Variants in UBE3B observed in about 807,000 individuals in gnomAD.
The protein encoded by UBE3B is ubiquitin-protein ligase E3B.
In UBE3B, 80 loss-of-function variants were observed where a neutral mutation model predicts 132.3. The observed-to-expected ratio is 0.60, with a 90% CI of 0.50 to 0.73. The LOEUF is 0.73. UBE3B is among the 30% of genes least tolerant of loss of function. The pLI is 0.00. For synonymous variants in UBE3B, 487 were observed against 520.4 expected, an observed-to-expected ratio of 0.94 and a Z score of 0.87; for missense variants, 1,196 against 1,362.5, an observed-to-expected ratio of 0.88 and a Z score of 1.92.
the UBE3B span, among the ~76,000 whole-genome samples, chr12:109,545,721 G>A: frequency 2.0e-5 from 3 of 152,170 alleles, no homozygotes; most frequent in African/African-American, 4.8e-5. Context: ...TCTGGAGCCC[G>A]CTGCCTCCAC....
chr12:109,499,756 A>C lies in UBE3B; in HGVS notation c.1064A>C (p.Asn355Thr). The change falls in exon 12 of 28, where the codon AAC becomes ACC. Residue 355 changes from asparagine (N) to threonine (T), a missense_variant. Coordinates refer to ENST00000342494, the MANE Select transcript of UBE3B (RefSeq NM_130466.4). Reference protein sequence around the residue: ...CRKYVSQKKSNLTHWHPVLGW... With the variant: ...CRKYVSQKKSTLTHWHPVLGW... ...AAGTATGTGTCTCAGAAGAAGTCCA[A>C]CCTGACCCACTGGCATCCTGTCCTT... 1.2e-6 allele frequency: 2 copies of C among 1,611,656 alleles called. No individual in the cohort carries two copies. Among genetic ancestry groups the C allele is most frequent in the Non-Finnish European group, 8.5e-7 (1 of 1,178,726 alleles).
chr12:109,533,852 C>A, intron 27 of UBE3B: 2 of 1,212,646 alleles, frequency 1.6e-6, no homozygotes, highest in Admixed American at 2.1e-5. Flanking sequence ...TCTGGCCTCA[C>A]CAGGGCTCCA....
intron 9 of UBE3B, chr12:109,492,202 T>C (rs750519425): frequency 3.9e-5 from 6 of 152,234 alleles, no homozygotes; most frequent in Admixed American, 1.3e-4. Context: ...TAGACTGTGC[T>C]TTCCACTAAC....
chr12:109,489,550 C>T (rs1011207552), intron 7 of UBE3B, among the ~76,000 whole-genome samples: 2 of 152,184 alleles, frequency 1.3e-5, no homozygotes, highest in African/African-American at 2.4e-5. Flanking sequence ...AGTTCTGGGC[C>T]CTGCTGGGAA....
At chr12:109,489,515 CTT>C (rs1420351442) in intron 7 of UBE3B, among the ~76,000 whole-genome samples, 1 of 152,192 alleles carries the variant, frequency 6.6e-6, no homozygotes, top group African/African-American at 2.4e-5. Flanking sequence ...ACCCTGGCCT[CTT>C]GGGGGGAACC....
intron 9 of UBE3B, among the ~76,000 whole-genome samples, chr12:109,497,571 A>G (rs143397408): frequency 6.6e-6 from 1 of 152,090 alleles, no homozygotes; most frequent in Non-Finnish European, 1.5e-5. Context: ...TCATTGTAGC[A>G]TGAGCATTCT....
chr12:109,479,939 C>T (rs747337543), intron 1 of UBE3B, among the ~76,000 whole-genome samples: 11 of 152,158 alleles, frequency 7.2e-5, no homozygotes, highest in Non-Finnish European at 1.2e-4. Context: ...GCACTGTCTG[C>T]ATGTCATGGA....
intron 6 of UBE3B, among the ~76,000 whole-genome samples, 196 bp downstream of exon 6, chr12:109,486,771 T>A (rs1876545550): frequency 6.6e-6 from 1 of 152,102 alleles, no homozygotes; most frequent in Non-Finnish European, 1.5e-5. Context: ...ACCCTTAAAC[T>A]GCTTGCCACG....
chr12:109,505,599 C>G (rs977604554), intron 14 of UBE3B, among the ~76,000 whole-genome samples: 2 of 152,318 alleles, frequency 1.3e-5, no homozygotes, highest in Admixed American at 1.3e-4. Context: ...AGTTGAAAGA[C>G]TAGTTATGAG....
At chr12:109,532,961 A>T (rs980045980) in intron 26 of UBE3B, among the ~76,000 whole-genome samples, 9 of 152,228 alleles carry the variant, frequency 5.9e-5, no homozygotes, top group African/African-American at 2.2e-4. Context: ...AGCCGGCAGG[A>T]TGCCAAGTGC....
At chr12:109,519,017 C>CG in intron 19 of UBE3B, among the ~76,000 whole-genome samples, 1 of 152,280 alleles carries the variant, frequency 6.6e-6, no homozygotes, top group South Asian at 2.1e-4. Flanking sequence ...GTATTGAGGG[C>CG]TATGCTTCTC....
intron 1 of UBE3B, among the ~76,000 whole-genome samples, chr12:109,481,181 G>A (rs1875349401): frequency 6.6e-6 from 1 of 151,852 alleles, no homozygotes; most frequent in South Asian, 2.1e-4. Context: ...ATAGGGTATG[G>A]TGGCACACAC....
At chr12:109,509,498 T>C (rs1880093473) in intron 15 of UBE3B, 98 bp from the exon 16 acceptor site, 3 of 717,572 alleles carry the variant, frequency 4.2e-6, no homozygotes, top group Non-Finnish European at 7.1e-6. Context: ...ATAAAGCTTA[T>C]TTCTCAACCT....
chr12:109,503,051 G>T lies in UBE3B; in HGVS notation c.1311G>T (p.Ser437=). The T allele has an allele frequency of 6.2e-7, 1 of 1,614,130 alleles. No homozygotes were observed. The highest frequency in any genetic ancestry group is 1.1e-5 in the South Asian group (1 of 91,078). The change falls in exon 14 of 28, where the codon TCG becomes TCT. Residue 437 remains serine, a synonymous_variant. Transcript: ENST00000342494. ...KSLLKRAFQK[S]ASVRNILRPV... is the part of the protein sequence containing the mutation. ...TCCTAAAGCGTGCTTTTCAAAAGTCGGCATCAGTCCGGAATATTCTCAGGC... is the reference window on the plus strand; with the variant it reads ...TCCTAAAGCGTGCTTTTCAAAAGTCTGCATCAGTCCGGAATATTCTCAGGC...
rs1254515882 is a variant in UBE3B, at chr12:109,522,140, A to G, written c.2364+589A>G. ...GTTCTCGCATCAGTAAAGTGGAGAT[A>G]AGAAAAGCCACATTCCTGGGTTGCC... is the stretch of plus-strand genomic sequence containing the variant. On this transcript the variant is annotated intron_variant, in intron 21 of 27. Transcript: ENST00000342494. This position sits in a 1 kb window ranked among gnomAD's most constrained non-coding sequence, Gnocchi z 4.2. Among the ~76,000 whole-genome samples the G allele has an allele frequency of 6.6e-6, 1 of 152,176 alleles. No individual in the cohort carries two copies. The highest frequency in any genetic ancestry group is 1.9e-4 in the East Asian group (1 of 5,192).
Position 109,497,926 on chromosome 12 carries a change from A to T in UBE3B, c.819+3A>T. On this transcript the variant is annotated splice_donor_region_variant and intron_variant, in intron 10 of 27. Transcript: ENST00000342494. ...ATCTCAGCACAGTGACCCCTGAGGT[A>T]AGCAGGCTCTGTGAGTTCCCCGTGA... is the stretch of plus-strand genomic sequence containing the variant. 1 of 1,614,056 alleles carries T rather than the reference A, an allele frequency of 6.2e-7. No individual in the cohort carries two copies. The highest frequency in any genetic ancestry group is 8.5e-7 in the Non-Finnish European group (1 of 1,179,934).
At position 109,486,576 on chromosome 12, in the gene UBE3B, GTAAC is replaced by G. The variant is rs1876474765; in HGVS notation, c.447+2_447+5del. The G allele has an allele frequency of 1.0e-5, 6 of 577,560 alleles. No individual in the cohort carries two copies. Among genetic ancestry groups the G allele is most frequent in the Admixed American group, 8.5e-5 (2 of 23,576 alleles). 35.8% of individuals were successfully genotyped at this position (577,560 alleles called of 1,614,324 possible). A position where few individuals can be genotyped will look rare whatever the true frequency, so the allele number is the denominator to read the frequency against. On this transcript the variant is annotated splice_donor_variant and splice_donor_5th_base_variant and intron_variant, in intron 6 of 27. Transcript: ENST00000342494. LOFTEE classifies it high-confidence loss of function. The stretch of plus-strand genomic sequence containing the variant: ...CTGTGATTTTCTCAAGCAGCTCAAG[GTAAC>G]AAAAAAAAAAAAAAAAAAAAAAAGC...
At chr12:109,528,048 G>A (rs1882549526) in intron 24 of UBE3B, among the ~76,000 whole-genome samples, 2 of 152,166 alleles carry the variant, frequency 1.3e-5, no homozygotes, top group Non-Finnish European at 2.9e-5. Flanking sequence ...AGCAGGCTGT[G>A]CTGGAGGGAG....
intron 24 of UBE3B, chr12:109,528,255 T>C (rs1029930909): frequency 6.0e-5 from 50 of 834,050 alleles, no homozygotes; most frequent in Non-Finnish European, 6.8e-5. Context: ...TTTCCCATAC[T>C]CTCTTCTCTC....
Sources: allele counts gnomAD v4.1 joint callset (sites outside exome capture counted in the v4.1 genomes callset), GRCh38; gene constraint gnomAD v4.1.1; non-coding constraint Gnocchi (gnomAD v3.1); transcripts MANE v1.5; gene names NCBI Gene and HGNC (gene_info 2026-07-23, HGNC 2026-07-21).